MTX2: variants seen among roughly 807,000 people sequenced by gnomAD.
MTX2 encodes the protein metaxin 2.
Under a neutral mutation model 42.3 loss-of-function variants are expected in MTX2, and 35 were observed. That is an observed-to-expected ratio of 0.83 (90% CI 0.63 to 1.10). The LOEUF (loss-of-function observed/expected upper bound fraction) is 1.10, where lower values mean the gene tolerates loss of function less well. Ranked by LOEUF, MTX2 falls within the 50% of genes least tolerant of loss-of-function variation. MTX2 has a pLI of 0.00. For synonymous variants in MTX2, 119 were observed against 100.9 expected (o/e 1.18, Z -1.08); for missense variants, 307 against 304.1 (o/e 1.01, Z -0.07).
At chr2:176,285,303 A>T (rs1257781451) in intron 1 of MTX2, among the ~76,000 whole-genome samples, 1 of 152,140 alleles carries the variant, frequency 6.6e-6, no homozygotes, top group Admixed American at 6.5e-5. Context: ...TAAGTGCAAT[A>T]AGTCTTTTAA....
rs1238705827 is a variant in MTX2, at chr2:176,330,645, A to G, written c.605A>G (p.Tyr202Cys). 1 of 1,590,098 alleles carries G rather than the reference A, an allele frequency of 6.3e-7. No homozygotes were observed. The change falls in exon 9 of 10, where the codon TAT becomes TGT. Residue 202 changes from tyrosine (Y) to cysteine (C), a missense_variant. Transcript: ENST00000249442. ...ALSQRLGTQPYFFNKQPTELD... is the reference protein window; with the variant it reads ...ALSQRLGTQPCFFNKQPTELD... ...TCTCAAAGACTGGGAACACAACCGT[A>G]TTTCTTCAATAAGCAGTAAGAAATT... is the stretch of plus-strand genomic sequence containing the variant.
intron 4 of MTX2, among the ~76,000 whole-genome samples, chr2:176,325,968 C>A (rs1461282266): frequency 7.0e-6 from 1 of 142,356 alleles, no homozygotes; most frequent in Non-Finnish European, 1.6e-5. Flanking sequence ...GCTGACGGAG[C>A]CAGAGAGGAG....
intron 3 of MTX2, among the ~76,000 whole-genome samples, chr2:176,316,132 T>G (rs947138705): frequency 6.6e-6 from 1 of 152,152 alleles, no homozygotes; most frequent in African/African-American, 2.4e-5. Context: ...TCCTCAAAGT[T>G]ATGTCTTTCT....
chr2:176,308,140 G>T (rs758580658), intron 3 of MTX2, among the ~76,000 whole-genome samples: 4 of 152,062 alleles, frequency 2.6e-5, no homozygotes, highest in African/African-American at 4.8e-5. Flanking sequence ...GGCCTTTTCT[G>T]CATCTGTTGA....
intron 3 of MTX2, among the ~76,000 whole-genome samples, chr2:176,300,121 A>G (rs766403545): frequency 5.5e-5 from 8 of 146,092 alleles, no homozygotes; most frequent in Non-Finnish European, 1.2e-4. Context: ...TATTATACAC[A>G]CATGCACACA....
At chr2:176,294,059 T>C (rs944605153) in intron 1 of MTX2, among the ~76,000 whole-genome samples, 1 of 152,218 alleles carries the variant, frequency 6.6e-6, no homozygotes, top group African/African-American at 2.4e-5. Flanking sequence ...TCAATAATGA[T>C]TTCTGAGTTG....
At chr2:176,320,642 G>A (rs1051265332) in intron 3 of MTX2, among the ~76,000 whole-genome samples, 2 of 150,830 alleles carry the variant, frequency 1.3e-5, no homozygotes, top group African/African-American at 2.4e-5. Context: ...GTCCTGTTCT[G>A]ACAAAAACAG....
chr2:176,291,243 GTTGT>G (rs1693322003), intron 1 of MTX2, among the ~76,000 whole-genome samples: 1 of 152,138 alleles, frequency 6.6e-6, no homozygotes, highest in African/African-American at 2.4e-5. Flanking sequence ...TAGTGTTGAA[GTTGT>G]TTGAGTAAAG....
rs746989874 is a variant in MTX2, at chr2:176,269,627, G to T, written c.-3G>T. On this transcript the variant is annotated 5_prime_UTR_variant, in exon 1 of 10. Transcript: ENST00000249442. ...CACCCGGGCGCCGGGCCTCCCAGCCGACATGTCTCTAGTGGCGGAAGCCTT... is the reference window on the plus strand; with the variant it reads ...CACCCGGGCGCCGGGCCTCCCAGCCTACATGTCTCTAGTGGCGGAAGCCTT... 1.9e-6 allele frequency: 3 copies of T among 1,593,038 alleles called. No homozygotes were observed. Among genetic ancestry groups the T allele is most frequent in the East Asian group, 4.6e-5 (2 of 43,956 alleles).
At chr2:176,295,219 T>G (rs1683832275) in intron 1 of MTX2, among the ~76,000 whole-genome samples, 1 of 152,166 alleles carries the variant, frequency 6.6e-6, no homozygotes, top group Admixed American at 6.5e-5. Context: ...GCTTTATTGC[T>G]AGTAAGATTA....
At chr2:176,293,911 G>C (rs1186758488) in intron 1 of MTX2, among the ~76,000 whole-genome samples, 1 of 152,118 alleles carries the variant, frequency 6.6e-6, no homozygotes, top group Non-Finnish European at 1.5e-5. Flanking sequence ...CTTGTCTACT[G>C]CATGATAAAC....
At chr2:176,309,796 C>T (rs940114762) in intron 3 of MTX2, among the ~76,000 whole-genome samples, 2 of 149,718 alleles carry the variant, frequency 1.3e-5, no homozygotes, top group African/African-American at 5.0e-5. Flanking sequence ...GCCTGTGTGC[C>T]TCTTTGCACA....
At chr2:176,316,354 C>G (rs1219809151) in intron 3 of MTX2, among the ~76,000 whole-genome samples, 1 of 152,024 alleles carries the variant, frequency 6.6e-6, no homozygotes, top group Non-Finnish European at 1.5e-5. Context: ...TGTAAGAAAT[C>G]CAGTTGAGAA....
In MTX2 at chr2:176,293,926, A is replaced by G. The variant is rs188972708; in HGVS notation, c.41-2934A>G. ...CTTGTCTACTGCATGATAAACTGCAATTCCTAGCTGCTGGCTATATGGGTT... is the reference window on the plus strand; with the variant it reads ...CTTGTCTACTGCATGATAAACTGCAGTTCCTAGCTGCTGGCTATATGGGTT... On this transcript the variant is annotated intron_variant, in intron 1 of 9. Coordinates refer to ENST00000249442, the MANE Select transcript of MTX2 (RefSeq NM_006554.5). Among the ~76,000 whole-genome samples, 306 of 152,236 alleles carry G rather than the reference A, an allele frequency of 2.0e-3. 3 individuals are homozygous for G. The highest frequency in any genetic ancestry group is 7.2e-3 in the African/African-American group (298 of 41,538).
At chr2:176,308,708 G>A (rs1684217705) in intron 3 of MTX2, among the ~76,000 whole-genome samples, 1 of 152,098 alleles carries the variant, frequency 6.6e-6, no homozygotes, top group Non-Finnish European at 1.5e-5. Context: ...TCTGATGGTA[G>A]GTTGTATTTC....
At chr2:176,289,002 G>T (rs1693269192) in intron 1 of MTX2, among the ~76,000 whole-genome samples, 1 of 151,942 alleles carries the variant, frequency 6.6e-6, no homozygotes, top group Non-Finnish European at 1.5e-5. Context: ...ATATTTAAGA[G>T]AATACTACAA....
chr2:176,321,712 A>G (rs1684586799), intron 3 of MTX2, among the ~76,000 whole-genome samples: 2 of 152,168 alleles, frequency 1.3e-5, no homozygotes, highest in African/African-American at 4.8e-5. Flanking sequence ...ACTTCCCAGC[A>G]GTTGTCCAGA....
At chr2:176,289,004 A>C (rs1189864513) in intron 1 of MTX2, among the ~76,000 whole-genome samples, 2 of 152,088 alleles carry the variant, frequency 1.3e-5, no homozygotes, top group Non-Finnish European at 2.9e-5. Flanking sequence ...ATTTAAGAGA[A>C]TACTACAAGT....
At chr2:176,276,489 T>A (rs1176077777) in intron 1 of MTX2, among the ~76,000 whole-genome samples, 10 of 152,124 alleles carry the variant, frequency 6.6e-5, no homozygotes, top group Admixed American at 6.6e-4. Context: ...AGGAACAAGG[T>A]CATTGGAGTA....
Sources: allele counts gnomAD v4.1 joint callset (sites outside exome capture counted in the v4.1 genomes callset), GRCh38; gene constraint gnomAD v4.1.1; transcripts MANE v1.5; gene names NCBI Gene and HGNC (gene_info 2026-07-23, HGNC 2026-07-21).